RBFOX1: variants seen among roughly 807,000 people sequenced by gnomAD.
The protein encoded by RBFOX1 is RNA binding fox-1 homolog 1, also known as RNA binding protein fox-1 homolog 1.
In RBFOX1, 8 loss-of-function variants were observed where a neutral mutation model predicts 57.7. The ratio of observed to expected loss-of-function variants is 0.14; its 90% CI spans 0.08 to 0.25. The LOEUF (loss-of-function observed/expected upper bound fraction) is 0.25, where lower values mean the gene tolerates loss of function less well. Ranked by LOEUF, RBFOX1 falls within the 10% of genes least tolerant of loss-of-function variation. RBFOX1 has a pLI of 1.00. For missense variants in RBFOX1, 611 were observed against 548.5 expected, an observed-to-expected ratio of 1.11 and a Z score of -1.14; for synonymous variants, 326 against 222.4, an observed-to-expected ratio of 1.47 and a Z score of -4.15.
At chr16:7,618,334 A>G (rs2058784644) in intron 10 of RBFOX1, among the ~76,000 whole-genome samples, 1 of 152,162 alleles carries the variant, frequency 6.6e-6, no homozygotes, top group South Asian at 2.1e-4. Flanking sequence ...GACTTGTATT[A>G]TTACTAATAT....
chr16:7,423,496 G>A (rs554659509), intron 4 of RBFOX1, among the ~76,000 whole-genome samples: 3 of 152,088 alleles, frequency 2.0e-5, no homozygotes, highest in Non-Finnish European at 2.9e-5. Context: ...AGGCTTTGGG[G>A]TAGCTTGTGA....
rs769126493 is a variant in RBFOX1, at chr16:7,552,404, CT to C, written c.271-27371del. ...ACTTCAGCACTGGAAGGTGAAAAGA[CT>C]TCAGAAGACCTTTTCTGGAAGCCTT... is the stretch of plus-strand genomic sequence containing the variant. On this transcript the variant is annotated intron_variant, in intron 5 of 15. Coordinates refer to ENST00000550418, the MANE Select transcript of RBFOX1 (RefSeq NM_018723.4). Among the ~76,000 whole-genome samples the C allele has an allele frequency of 4.6e-5, 7 of 152,250 alleles. No individual in the cohort carries two copies. The South Asian group carries it at 1.5e-3, about 32-fold the overall frequency.
chr16:5,410,270 C>T (rs183945503), intron 1 of RBFOX1, among the ~76,000 whole-genome samples: 1 of 151,542 alleles, frequency 6.6e-6, no homozygotes, highest in African/African-American at 2.4e-5. Context: ...ACTCAGGAGG[C>T]TGAGGCAGGA....
At chr16:5,713,312 C>T (rs2051564508) in intron 3 of RBFOX1, among the ~76,000 whole-genome samples, 1 of 152,062 alleles carries the variant, frequency 6.6e-6, no homozygotes, top group African/African-American at 2.4e-5. Flanking sequence ...AGGAGAAGGA[C>T]AAGGAAGGGA....
At chr16:6,002,786 A>G (rs781262603) in intron 4 of RBFOX1, among the ~76,000 whole-genome samples, 1 of 152,230 alleles carries the variant, frequency 6.6e-6, no homozygotes, top group Non-Finnish European at 1.5e-5. Flanking sequence ...TATGATTACA[A>G]TAGTAAATTG....
At chr16:7,447,516 A>G (rs2098818412) in intron 4 of RBFOX1, among the ~76,000 whole-genome samples, 1 of 152,032 alleles carries the variant, frequency 6.6e-6, no homozygotes, top group Admixed American at 6.6e-5. Context: ...GCATAAAAAC[A>G]CATTGCCTGA....
intron 1 of RBFOX1, among the ~76,000 whole-genome samples, chr16:6,294,155 C>A (rs1403109227): frequency 6.6e-6 from 1 of 152,074 alleles, no homozygotes; most frequent in African/African-American, 2.4e-5. Flanking sequence ...GCACTCCAGC[C>A]TGAGCGACAG....
intron 1 of RBFOX1, among the ~76,000 whole-genome samples, chr16:6,273,230 G>A (rs936282353): frequency 6.6e-6 from 1 of 151,330 alleles, no homozygotes; most frequent in African/African-American, 2.4e-5. Flanking sequence ...CTGTACTCCA[G>A]CCTGGGCAGC....
At chr16:6,173,317 C>A (rs1257725750) in intron 1 of RBFOX1, among the ~76,000 whole-genome samples, 1 of 152,138 alleles carries the variant, frequency 6.6e-6, no homozygotes, top group Non-Finnish European at 1.5e-5. Flanking sequence ...TAGGAATTAA[C>A]GGTGATTATT....
intron 3 of RBFOX1, among the ~76,000 whole-genome samples, chr16:5,795,300 CCTT>C (rs1339208167): frequency 3.3e-5 from 5 of 151,882 alleles, no homozygotes; most frequent in Admixed American, 1.3e-4. Flanking sequence ...TCCACTTCTT[CCTT>C]CTTCTTTTTT....
At chr16:7,261,173 G>T (rs2094905239) in intron 4 of RBFOX1, among the ~76,000 whole-genome samples, 1 of 152,184 alleles carries the variant, frequency 6.6e-6, no homozygotes, top group South Asian at 2.1e-4. Context: ...CGCAGTTCTT[G>T]CTTGTTTTGG....
At chr16:6,170,125 G>A (rs1158092618) in intron 1 of RBFOX1, among the ~76,000 whole-genome samples, 2 of 152,124 alleles carry the variant, frequency 1.3e-5, no homozygotes, top group South Asian at 4.1e-4. Context: ...GTCCTTCTCA[G>A]GCCACATTTA....
At chr16:5,471,921 G>T (rs1382458251) in intron 2 of RBFOX1, among the ~76,000 whole-genome samples, 1 of 152,132 alleles carries the variant, frequency 6.6e-6, no homozygotes, top group Non-Finnish European at 1.5e-5. Flanking sequence ...CATGCAGCAT[G>T]GGTGGAAAAA....
chr16:5,708,966 C>T (rs892946070), intron 3 of RBFOX1, among the ~76,000 whole-genome samples: 5 of 152,154 alleles, frequency 3.3e-5, no homozygotes, highest in Non-Finnish European at 4.4e-5. Context: ...AGAGAGAACA[C>T]GGGCCATGGC....
rs184618384 is a variant in RBFOX1 at position 6,053,922 on chromosome 16, G to C, written c.-127+33930G>C. 4.2e-3 allele frequency among the ~76,000 whole-genome samples: 647 copies of C among 152,264 alleles called. 4 individuals carry two copies. The Middle Eastern group carries it at 0.048, about 11-fold the overall frequency. ...AAAGTGCACAAAAATTAAGCATGGTGGCATGTACCTGTAGTTCCAGCTACT... is the reference window on the plus strand; with the variant it reads ...AAAGTGCACAAAAATTAAGCATGGTCGCATGTACCTGTAGTTCCAGCTACT... On this transcript the variant is annotated intron_variant, in intron 1 of 15. Coordinates refer to ENST00000550418, the MANE Select transcript of RBFOX1 (RefSeq NM_018723.4).
intron 4 of RBFOX1, among the ~76,000 whole-genome samples, chr16:7,334,680 T>G (rs777901565): frequency 6.6e-6 from 1 of 152,098 alleles, no homozygotes; most frequent in Non-Finnish European, 1.5e-5. Flanking sequence ...TAACTATCGA[T>G]TTGTTGGAAT....
intron 2 of RBFOX1, among the ~76,000 whole-genome samples, chr16:6,336,409 T>A (rs1159842877): frequency 6.6e-6 from 1 of 151,456 alleles, no homozygotes; most frequent in East Asian, 2.0e-4. Context: ...TTATTTTTAG[T>A]CTCAGTTGAA....
rs557815142 is a variant in RBFOX1, at chr16:6,082,339, C to T, written c.-127+62347C>T. ...GGGATTACATGTGCCTGTCACCACACCTGGCTAATTTTTTTTTTTTTTTTT... is the reference window on the plus strand; with the variant it reads ...GGGATTACATGTGCCTGTCACCACATCTGGCTAATTTTTTTTTTTTTTTTT... On this transcript the variant is annotated intron_variant, in intron 1 of 15. Coordinates refer to ENST00000550418, the MANE Select transcript of RBFOX1 (RefSeq NM_018723.4). 5.9e-5 allele frequency among the ~76,000 whole-genome samples: 8 copies of T among 134,842 alleles called. No individual in the cohort carries two copies. The South Asian group carries it at 1.5e-3, about 25-fold the overall frequency. The allele number at this position is 134,842 out of a possible 152,430, so 88.5% of individuals were successfully genotyped here. A position where few individuals can be genotyped will look rare whatever the true frequency, so the allele number is the denominator to read the frequency against.
At chr16:6,852,325 G>C (rs1184948112) in intron 3 of RBFOX1, among the ~76,000 whole-genome samples, 1 of 152,090 alleles carries the variant, frequency 6.6e-6, no homozygotes, top group African/African-American at 2.4e-5. Flanking sequence ...GCTTGAGGTT[G>C]CGTGTAGGGC....
Sources: allele counts gnomAD v4.1 joint callset (sites outside exome capture counted in the v4.1 genomes callset), GRCh38; gene constraint gnomAD v4.1.1; transcripts MANE v1.5; gene names NCBI Gene and HGNC (gene_info 2026-07-23, HGNC 2026-07-21).